The following ESR1 variants were observed in gnomAD, a reference collection of about 807,000 sequenced individuals.
The protein encoded by ESR1 is estrogen receptor 1, also known as estrogen receptor.
A neutral mutation model predicts 52.7 loss-of-function variants in ESR1; 12 were observed. The observed-to-expected ratio is 0.23, with a 90% CI of 0.15 to 0.37. The LOEUF (loss-of-function observed/expected upper bound fraction) is 0.37. ESR1 is among the 10% of genes least tolerant of loss of function. The probability of loss-of-function intolerance (pLI) is 1.00; values close to 1 mark genes in which losing one functional copy is unlikely to be tolerated. For missense variants in ESR1, 584 were observed against 779.7 expected (o/e 0.75, Z 2.99); for synonymous variants, 305 against 316.8 (o/e 0.96, Z 0.39).
At chr6:151,670,807 C>T (rs568655806) in intron 1 of ESR1, among the ~76,000 whole-genome samples, 7 of 116,352 alleles carry the variant, frequency 6.0e-5, no homozygotes, top group East Asian at 5.3e-4. Flanking sequence ...TCACTCTTGT[C>T]GCCCAGGCTG....
At chr6:151,984,636 C>T (rs1044121409) in intron 4 of ESR1, among the ~76,000 whole-genome samples, 3 of 152,170 alleles carry the variant, frequency 2.0e-5, no homozygotes, top group African/African-American at 7.2e-5. Flanking sequence ...GTTATTTGTA[C>T]GTATTACTTC....
intron 1 of ESR1, among the ~76,000 whole-genome samples, chr6:151,659,452 A>G (rs978353198): frequency 2.6e-5 from 4 of 152,176 alleles, no homozygotes; most frequent in Non-Finnish European, 5.9e-5. Flanking sequence ...GTGGTTTCCC[A>G]TTTGATTGTC....
At chr6:152,109,661 G>A (rs531545616) in intron 6 of ESR1, among the ~76,000 whole-genome samples, 4 of 152,264 alleles carry the variant, frequency 2.6e-5, no homozygotes, top group Non-Finnish European at 4.4e-5. Context: ...ACTCCAGCCT[G>A]GGCAACAAGA....
intron 4 of ESR1, among the ~76,000 whole-genome samples, chr6:151,975,448 T>A (rs2039352065): frequency 6.6e-6 from 1 of 152,142 alleles, no homozygotes; most frequent in Non-Finnish European, 1.5e-5. Flanking sequence ...ATCAATTGAT[T>A]GGTCAATCAA....
At position 151,707,514 on chromosome 6, in the gene ESR1, A is replaced by G. The variant is rs199629137; in HGVS notation, c.-71+5509A>G. Among the ~76,000 whole-genome samples the G allele has an allele frequency of 3.1e-4, 47 of 152,168 alleles. 1 individual carries two copies. In the East Asian group the frequency reaches 7.9e-3, roughly 26 times the overall value. ...TATATAAAATACATGCATAAAATAG[A>G]TACACAGGTATATATTTTGCAAATT... On this transcript the variant is annotated intron_variant, in intron 2 of 2. Transcript: ENST00000404742.
chr6:152,039,416 A>G (rs998568526), intron 5 of ESR1, among the ~76,000 whole-genome samples: 1 of 152,188 alleles, frequency 6.6e-6, no homozygotes, highest in Non-Finnish European at 1.5e-5. Flanking sequence ...ACCCCAGCCA[A>G]CACTAACTCC....
intron 1 of ESR1, among the ~76,000 whole-genome samples, chr6:151,692,840 C>A (rs1017145229): frequency 3.9e-5 from 6 of 152,196 alleles, no homozygotes; most frequent in African/African-American, 1.4e-4. Context: ...CTCTGAAAGT[C>A]TGTGATTCTT....
intron 2 of ESR1, among the ~76,000 whole-genome samples, chr6:151,744,629 A>T (rs573275280): frequency 2.6e-5 from 4 of 152,232 alleles, no homozygotes; most frequent in South Asian, 2.1e-4. Context: ...CTTATCAAAT[A>T]TATGATTTGT....
At chr6:151,669,236 C>A (rs1364695186) in intron 1 of ESR1, among the ~76,000 whole-genome samples, 2 of 109,798 alleles carry the variant, frequency 1.8e-5, no homozygotes, top group Non-Finnish European at 3.6e-5. Context: ...AGCTGCATTG[C>A]GGCCCAGGCT....
chr6:152,018,197 GA>G (rs1315090026), intron 5 of ESR1, among the ~76,000 whole-genome samples: 19 of 151,034 alleles, frequency 1.3e-4, no homozygotes, highest in Non-Finnish European at 2.1e-4. Context: ...CTAAATAGCA[GA>G]CTGTTTTCCA....
At chr6:151,686,963 G>T (rs55944851), upstream of ESR1, among the ~76,000 whole-genome samples, 7,517 of 152,220 alleles carry the variant, frequency 0.049, 345 homozygotes, top group African/African-American at 0.13. Flanking sequence ...CTCAGCTCAT[G>T]GGCTTTCTCT....
chr6:151,664,375 T>C (rs573088684), intron 1 of ESR1, among the ~76,000 whole-genome samples: 1 of 152,378 alleles, frequency 6.6e-6, no homozygotes, highest in African/African-American at 2.4e-5. Context: ...TAGTTTATTA[T>C]CTGTGACAGA....
intron 3 of ESR1, among the ~76,000 whole-genome samples, chr6:151,886,622 C>T (rs988933416): frequency 4.7e-4 from 71 of 152,054 alleles, no homozygotes; most frequent in African/African-American, 1.6e-3. Context: ...AAATATTTTC[C>T]TGTTGCTTGG....
intron 5 of ESR1, among the ~76,000 whole-genome samples, chr6:152,055,170 A>T (rs942003180): frequency 2.0e-5 from 3 of 152,186 alleles, no homozygotes; most frequent in African/African-American, 4.8e-5. Context: ...TCTCTTCAAC[A>T]TATTGATTTC....
intron 4 of ESR1, among the ~76,000 whole-genome samples, chr6:151,982,256 C>T (rs2040060382): frequency 1.3e-5 from 2 of 152,238 alleles, no homozygotes; most frequent in South Asian, 4.1e-4. Flanking sequence ...TCGAAGCTCA[C>T]TTTAATGTGC....
At chr6:151,958,235 A>G (rs958288454) in intron 4 of ESR1, among the ~76,000 whole-genome samples, 1 of 152,244 alleles carries the variant, frequency 6.6e-6, no homozygotes, top group Admixed American at 6.5e-5. Context: ...CGTGGTGTCA[A>G]CTTATACCAT....
intron 2 of ESR1, among the ~76,000 whole-genome samples, chr6:151,707,348 G>A (rs915625084): frequency 6.6e-6 from 1 of 150,910 alleles, no homozygotes; most frequent in African/African-American, 2.4e-5. Context: ...TATGTGTGTG[G>A]GTATACATAT....
upstream of ESR1, among the ~76,000 whole-genome samples, chr6:151,806,137 C>T (rs1358142266): frequency 6.6e-6 from 1 of 152,144 alleles, no homozygotes. Flanking sequence ...TGATTGCTGG[C>T]CATAAAGGGA....
intron 3 of ESR1, among the ~76,000 whole-genome samples, chr6:151,897,572 C>T (rs1205920303): frequency 6.6e-6 from 1 of 152,092 alleles, no homozygotes; most frequent in Non-Finnish European, 1.5e-5. Flanking sequence ...TTATGTGAGT[C>T]CTTATGTGTT....
Sources: gnomAD v4.1 joint callset for allele counts (sites outside exome capture counted in the v4.1 genomes callset) on GRCh38, gnomAD v4.1.1 for gene constraint, MANE v1.5 for transcripts, NCBI Gene and HGNC (gene_info 2026-07-23, HGNC 2026-07-21) for gene names.